NSD3: variants seen among roughly 807,000 people sequenced by gnomAD.
The protein encoded by NSD3 is nuclear receptor binding SET domain protein 3, also known as histone-lysine N-methyltransferase NSD3.
A neutral mutation model predicts 160.8 loss-of-function variants in NSD3; 24 were observed. The ratio of observed to expected loss-of-function variants is 0.15; its 90% CI spans 0.11 to 0.21. The LOEUF is 0.21. Among genes scored for constraint, NSD3 ranks in the 10% least tolerant of loss-of-function variants. The pLI is 1.00. For synonymous variants in NSD3, 520 were observed against 600.0 expected (o/e 0.87, Z 1.95); for missense variants, 1,157 against 1,735.9 (o/e 0.67, Z 5.93).
At chr8:38,291,132 C>G (rs1171031675) in intron 16 of NSD3, among the ~76,000 whole-genome samples, 1 of 152,156 alleles carries the variant, frequency 6.6e-6, no homozygotes, top group Non-Finnish European at 1.5e-5. Flanking sequence ...CCATTCAAAT[C>G]AGCATTTAGT....
chr8:38,341,529 C>T (rs2150380673), intron 2 of NSD3, among the ~76,000 whole-genome samples: 1 of 148,786 alleles, frequency 6.7e-6, no homozygotes, highest in South Asian at 2.1e-4. Flanking sequence ...CAGAGCGAGA[C>T]TCCGTCTCAA....
chr8:38,323,545 C>T (rs772797183), intron 7 of NSD3, among the ~76,000 whole-genome samples: 1 of 152,094 alleles, frequency 6.6e-6, no homozygotes, highest in Non-Finnish European at 1.5e-5. Flanking sequence ...AGGCTGGGCA[C>T]AGCGACTCAT....
At chr8:38,323,734 A>T (rs1192274547) in intron 7 of NSD3, among the ~76,000 whole-genome samples, 2 of 149,540 alleles carry the variant, frequency 1.3e-5, no homozygotes, top group East Asian at 4.1e-4. Flanking sequence ...AGGCTGAGGT[A>T]GGAGGATCTC....
chr8:38,293,092 C>T (rs1391752286), intron 16 of NSD3, among the ~76,000 whole-genome samples: 2 of 147,364 alleles, frequency 1.4e-5, no homozygotes, highest in Admixed American at 6.8e-5. Flanking sequence ...GAGCCGAGAT[C>T]GTGCCACTGC....
chr8:38,276,081 A>G (rs1486949648), intron 23 of NSD3, among the ~76,000 whole-genome samples, 199 bp from the exon 24 acceptor site: 1 of 152,180 alleles, frequency 6.6e-6, no homozygotes, highest in Non-Finnish European at 1.5e-5. Context: ...CCAACGCCAC[A>G]GGTACCCACC....
At chr8:38,289,526 A>G in intron 17 of NSD3, 21 bp from the exon 18 acceptor site, 1 of 1,605,130 alleles carries the variant, frequency 6.2e-7, no homozygotes, top group Non-Finnish European at 8.5e-7. Flanking sequence ...GATGATACAA[A>G]GTATGTAAAT....
Position 38,288,462 on chromosome 8 carries a change from AC to A in NSD3, c.3501+24del, listed in dbSNP as rs544994971. 1.7e-3 allele frequency: 2,738 copies of A among 1,607,990 alleles called. 3 individuals are homozygous for A. Among genetic ancestry groups the A allele is most frequent in the Non-Finnish European group, 1.9e-3 (2,201 of 1,176,070 alleles). On this transcript the variant is annotated intron_variant, in intron 19 of 23. Coordinates refer to ENST00000317025, the MANE Select transcript of NSD3 (RefSeq NM_023034.2). This position sits in a 1 kb window ranked among gnomAD's most constrained non-coding sequence, Gnocchi z 4.5. ...GAAAAGCCAGGTTCTGGTCTCTTCC[AC>A]CCCCCACCACCATCCCATGCTACCT...
At position 38,347,572 on chromosome 8, in the gene NSD3, G is replaced by A. The variant is rs1455311302; in HGVS notation, c.600C>T (p.Ser200=). 3 of 1,613,874 alleles carry A rather than the reference G, an allele frequency of 1.9e-6. No individual in the cohort carries two copies. The highest frequency in any genetic ancestry group is 2.7e-5 in the African/African-American group (2 of 74,886). Residue 200 remains serine (S), a synonymous_variant, in exon 2 of 24, where the codon AGC becomes AGT. Transcript: ENST00000317025. The part of the protein sequence containing the change: ...HESRKEKRKK[S]NKHDSSRSEE... ...CAGATCTTGATGAGTCATGCTTGTT[G>A]CTTTTTTTCCTCTTTTCTTTTCTGC... is the stretch of plus-strand genomic sequence containing the variant.
intron 1 of NSD3, among the ~76,000 whole-genome samples, chr8:38,377,840 G>A (rs927312111): frequency 2.0e-5 from 3 of 152,072 alleles, no homozygotes; most frequent in Non-Finnish European, 4.4e-5. Flanking sequence ...GACTGAGGCA[G>A]AAGAACCGCT....
chr8:38,269,758 A>G lies in NSD3; in HGVS notation c.*5883T>C, dbSNP rs1487109593. ...TCAATCTCAAGCAAAATCTGAAATC[A>G]GTGGAATGTCATTAAAAACCTTTCC... is the stretch of plus-strand genomic sequence containing the variant. On this transcript the variant is annotated 3_prime_UTR_variant, in exon 24 of 24. Coordinates refer to ENST00000317025, the MANE Select transcript of NSD3 (RefSeq NM_023034.2). 6.6e-6 allele frequency: 1 copy of G among 152,592 alleles called. No individual in the cohort carries two copies. Among genetic ancestry groups the G allele is most frequent in the African/African-American group, 2.4e-5 (1 of 41,480 alleles). 9.5% of individuals were successfully genotyped at this position (152,592 alleles called of 1,614,324 possible).
Position 38,276,473 on chromosome 8 carries a change from T to G in NSD3, c.3895A>C (p.Lys1299Gln). ...KSACASTNEE[K>Q]AKNAKLKQKR... is the part of the protein sequence containing the mutation. The stretch of plus-strand genomic sequence containing the variant: ...TGTTTTAACTTAGCATTTTTTGCCT[T>G]CTCTTCATTTGTTGACGCACATGCC... The change falls in exon 23 of 24, where the codon AAG (lysine) becomes CAG (glutamine). Residue 1299 changes from lysine (K) to glutamine (Q), a missense_variant. Transcript: ENST00000317025. 1 of 1,614,222 alleles carries G rather than the reference T, an allele frequency of 6.2e-7. No homozygotes were observed. The highest frequency in any genetic ancestry group is 1.1e-5 in the South Asian group (1 of 91,086).
intron 21 of NSD3, among the ~76,000 whole-genome samples, chr8:38,279,275 C>T (rs146086525): frequency 9.8e-5 from 15 of 152,344 alleles, no homozygotes; most frequent in Middle Eastern, 3.4e-3. Flanking sequence ...AGCAGGACTG[C>T]GGACACAGAA....
chr8:38,362,841 T>C (rs1811013948), intron 1 of NSD3, among the ~76,000 whole-genome samples: 1 of 152,244 alleles, frequency 6.6e-6, no homozygotes, highest in Non-Finnish European at 1.5e-5. Flanking sequence ...ACATCATCAC[T>C]GTAGAACATA....
chr8:38,356,001 C>T (rs1394723356), intron 1 of NSD3, among the ~76,000 whole-genome samples: 1 of 152,192 alleles, frequency 6.6e-6, no homozygotes, highest in East Asian at 1.9e-4. Context: ...TTACTTCCCA[C>T]AATCCCTAAA....
chr8:38,277,194 G>A (rs1485927976), intron 22 of NSD3, among the ~76,000 whole-genome samples: 2 of 152,202 alleles, frequency 1.3e-5, no homozygotes, highest in Non-Finnish European at 2.9e-5. Flanking sequence ...CGCCTGCCTT[G>A]GCCTCCCAAA....
chr8:38,340,770 A>G (rs182597185), intron 2 of NSD3, among the ~76,000 whole-genome samples: 4 of 152,360 alleles, frequency 2.6e-5, no homozygotes, highest in East Asian at 1.9e-4. Context: ...TAGGCTATAT[A>G]TAATAGTGAA....
chr8:38,347,728 A>G lies in NSD3; in HGVS notation c.444T>C (p.Thr148=), dbSNP rs1810570755. 2 of 1,612,252 alleles carry G rather than the reference A, an allele frequency of 1.2e-6. No individual in the cohort carries two copies. The highest frequency in any genetic ancestry group is 1.3e-5 in the African/African-American group (1 of 74,934). The change falls in exon 2 of 24, where the codon ACT becomes ACC. Residue 148 remains threonine (T), a synonymous_variant. Coordinates refer to ENST00000317025, the MANE Select transcript of NSD3 (RefSeq NM_023034.2). The part of the protein sequence containing the change: ...SVPQTVIPKK[T]GSPEIKLKIT... ...TTTTTAGTTTAATTTCAGGTGAGCC[A>G]GTCTTCTTTGGAATCACAGTTTGTG...
At position 38,356,747 on chromosome 8, in the gene NSD3, G is replaced by T. The variant is rs534400123; in HGVS notation, c.-44-8532C>A. On this transcript the variant is annotated intron_variant, in intron 1 of 23. Transcript: ENST00000317025. Reference sequence around the variant, plus strand: ...TCTACTCTATAGAATTACATGTTGTGCTGTATATATTCTTTTTTTCTATGT... The same window carrying T: ...TCTACTCTATAGAATTACATGTTGTTCTGTATATATTCTTTTTTTCTATGT... Among the ~76,000 whole-genome samples the T allele has an allele frequency of 4.6e-5, 7 of 152,174 alleles. No homozygotes were observed. In the East Asian group the frequency reaches 1.4e-3, roughly 29 times the overall value.
In NSD3 at chr8:38,317,627, C is replaced by A. The variant is rs1809700885; in HGVS notation, c.1855+1268G>T. On this transcript the variant is annotated intron_variant, in intron 9 of 23. Transcript: ENST00000317025. The surrounding 1 kb of genome is among the most constrained non-coding windows in gnomAD (Gnocchi z 5.3). ...GTTTGGGCTGTTTGGCAAACCCCTG[C>A]AGATGTGCATTAATGATGCTTTATT... The A allele has an allele frequency of 8.7e-7, 1 of 1,155,118 alleles. No homozygotes were observed. The highest frequency in any genetic ancestry group is 1.1e-6 in the Non-Finnish European group (1 of 933,864). The allele number at this position is 1,155,118 out of a possible 1,614,324, so 71.6% of individuals were successfully genotyped here. A position where few individuals can be genotyped will look rare whatever the true frequency, so the allele number is the denominator to read the frequency against.
Sources: gnomAD v4.1 joint callset for allele counts (sites outside exome capture counted in the v4.1 genomes callset) on GRCh38, gnomAD v4.1.1 for gene constraint, Gnocchi (gnomAD v3.1) non-coding constraint, MANE v1.5 for transcripts, NCBI Gene and HGNC (gene_info 2026-07-23, HGNC 2026-07-21) for gene names.